Variants in BSPRY observed in about 807,000 individuals in gnomAD.
The protein encoded by BSPRY is B box and SPRY domain-containing protein.
BSPRY carries 33 observed loss-of-function variants against 38.0 expected under a neutral mutation model. The ratio of observed to expected loss-of-function variants is 0.87; its 90% CI spans 0.66 to 1.16. The LOEUF is 1.16. Among genes scored for constraint, BSPRY ranks in the 50% most tolerant of loss-of-function variants. The pLI, the probability that BSPRY is intolerant of heterozygous loss-of-function variation, is 0.00. For synonymous variants in BSPRY, 224 were observed against 228.5 expected, an observed-to-expected ratio of 0.98 and a Z score of 0.18; for missense variants, 523 against 533.2, an observed-to-expected ratio of 0.98 and a Z score of 0.19.
intron 4 of BSPRY, among the ~76,000 whole-genome samples, chr9:113,363,991 C>T (rs1834201098): frequency 6.6e-6 from 1 of 150,726 alleles, no homozygotes; most frequent in South Asian, 2.1e-4. Flanking sequence ...GAGTTCACAA[C>T]CAGCCTGGCC....
In BSPRY at chr9:113,367,480, G is replaced by A. The variant is rs79950904; in HGVS notation, c.558-779G>A. Among the ~76,000 whole-genome samples, 994 of 152,260 alleles carry A rather than the reference G, an allele frequency of 6.5e-3. 68 individuals are homozygous for A. The East Asian group carries it at 0.17, about 26-fold the overall frequency. ...GTGTTTGCATTTTTAAAGTAGAGGA[G>A]TGGCTGTACCTTCTGACAAAACCCA... On this transcript the variant is annotated intron_variant, in intron 4 of 5. Transcript: ENST00000374183.
Position 113,354,332 on chromosome 9 carries a change from A to C in BSPRY, c.294A>C (p.Arg98Ser). Residue 98 changes from arginine (R) to serine (S), a missense_variant, in exon 2 of 6, where the codon AGA (arginine) becomes AGC (serine). Arg to Ser is a moderately radical substitution (Grantham distance 110). Coordinates refer to ENST00000374183, the MANE Select transcript of BSPRY (RefSeq NM_017688.3). ...ACGTCCTGCCGGGGAAGAATCAAAG[A>C]GCAGTGGTAATTCCTCTTCTTTCCT... ...VADVLPGKNQ[R>S]AVSMASAARE... 6 of 1,613,726 alleles carry C rather than the reference A, an allele frequency of 3.7e-6. No homozygotes were observed. Among genetic ancestry groups the C allele is most frequent in the Non-Finnish European group, 4.2e-6 (5 of 1,179,638 alleles).
At position 113,349,599 on chromosome 9, in the gene BSPRY, AGCCGGG is replaced by A; in HGVS notation, c.28_33del (p.Pro10_Gly11del). The A allele has an allele frequency of 8.4e-7, 1 of 1,183,660 alleles. No individual in the cohort carries two copies. The allele number at this position is 1,183,660 out of a possible 1,614,324, so 73.3% of individuals were successfully genotyped here. ...ACGGCCATGTCCGCCGAGGGCGCGG[AGCCGGG>A]GCCGGGGTCCGGGTCCGGGCCCGGG... On this transcript the variant is annotated inframe_deletion, in exon 1 of 6. Coordinates refer to ENST00000374183, the MANE Select transcript of BSPRY (RefSeq NM_017688.3).
rs74626540 is a variant in BSPRY, at chr9:113,367,067, T to C, written c.558-1192T>C. ...TACTTTGCCCTATATTCCTTTGAGA[T>C]TTCACTTCAGGTCAAGGAAAAAATT... On this transcript the variant is annotated intron_variant, in intron 4 of 5. Coordinates refer to ENST00000374183, the MANE Select transcript of BSPRY (RefSeq NM_017688.3). Among the ~76,000 whole-genome samples the C allele has an allele frequency of 7.7e-3, 1,172 of 152,290 alleles. 13 individuals are homozygous for C. Among genetic ancestry groups the C allele is most frequent in the African/African-American group, 0.026 (1,100 of 41,566 alleles).
At chr9:113,367,264 C>T (rs1834267160) in intron 4 of BSPRY, among the ~76,000 whole-genome samples, 1 of 152,120 alleles carries the variant, frequency 6.6e-6, no homozygotes. Flanking sequence ...GAGAAAACAG[C>T]AAACCCAGGC....
Position 113,370,255 on chromosome 9 carries a change from A to T in BSPRY, c.*113A>T. The T allele has an allele frequency of 7.6e-7, 1 of 1,309,574 alleles. No homozygotes were observed. Among genetic ancestry groups the T allele is most frequent in the South Asian group, 1.5e-5 (1 of 66,682 alleles). 81.1% of individuals were successfully genotyped at this position (1,309,574 alleles called of 1,614,324 possible). ...GGTGTTTCTAAGAGAAACAGGGCCC[A>T]TAACCAGTGGGCAGCTTTAGGAGGG... On this transcript the variant is annotated 3_prime_UTR_variant, in exon 6 of 6. Transcript: ENST00000374183. The surrounding 1 kb of genome is among the most constrained non-coding windows in gnomAD (Gnocchi z 4.8).
In BSPRY at chr9:113,362,374, G is replaced by T. The variant is rs1834169913; in HGVS notation, c.537G>T (p.Lys179Asn). 1 of 1,614,036 alleles carries T rather than the reference G, an allele frequency of 6.2e-7. No individual in the cohort carries two copies. The highest frequency in any genetic ancestry group is 1.3e-5 in the African/African-American group (1 of 74,918). ...THLDDLQLIQ[K>N]EQEIFERTEE... ...TTTGTTTTCTTTTCTCACAGCAGAAGGAGCAAGAGATTTTCGAGAGGTGAG... is the reference window on the plus strand; with the variant it reads ...TTTGTTTTCTTTTCTCACAGCAGAATGAGCAAGAGATTTTCGAGAGGTGAG... The change falls in exon 4 of 6, where the codon AAG becomes AAT. Residue 179 changes from lysine to asparagine, a missense_variant. By Grantham distance (94) the Lys-to-Asn change is moderately conservative. Coordinates refer to ENST00000374183, the MANE Select transcript of BSPRY (RefSeq NM_017688.3).
At chr9:113,364,904 C>T (rs1413728772) in intron 4 of BSPRY, among the ~76,000 whole-genome samples, 3 of 150,274 alleles carry the variant, frequency 2.0e-5, no homozygotes, top group Non-Finnish European at 4.4e-5. Flanking sequence ...TTTTGTTTTC[C>T]TAATTCAGCT....
intron 2 of BSPRY, among the ~76,000 whole-genome samples, chr9:113,360,292 C>T (rs922490934): frequency 3.9e-5 from 6 of 152,174 alleles, no homozygotes; most frequent in African/African-American, 1.2e-4. Context: ...GCCTATGTGT[C>T]TGCATCTCAA....
intron 2 of BSPRY, among the ~76,000 whole-genome samples, chr9:113,354,885 A>T (rs1834032491): frequency 1.3e-5 from 2 of 151,726 alleles, no homozygotes; most frequent in East Asian, 1.9e-4. Context: ...TCTTTTTGAG[A>T]TGGGGCCTCA....
At chr9:113,366,265 T>G (rs543128529) in intron 4 of BSPRY, among the ~76,000 whole-genome samples, 104 of 152,370 alleles carry the variant, frequency 6.8e-4, no homozygotes, top group Non-Finnish European at 1.9e-4. Flanking sequence ...GTCCGAGCAT[T>G]GCTAAGCCCA....
chr9:113,354,189 A>G, intron 1 of BSPRY, 51 bp from the exon 2 acceptor site: 2 of 1,477,746 alleles, frequency 1.4e-6, no homozygotes, highest in Non-Finnish European at 1.9e-6. Flanking sequence ...GGATGGAGTG[A>G]ATGGCTCAGG....
In BSPRY at chr9:113,369,833, G is replaced by A. The variant is rs777880341; in HGVS notation, c.900G>A (p.Val300=). The A allele has an allele frequency of 5.0e-6, 8 of 1,614,226 alleles. No individual in the cohort carries two copies. In the Admixed American group the frequency reaches 8.3e-5, roughly 17 times the overall value. The change falls in exon 6 of 6, where the codon GTG becomes GTA. Residue 300 remains valine, a synonymous_variant. Transcript: ENST00000374183. Reference sequence around the variant, plus strand: ...TCCAGAACAGTTGTGCCTATAAGGTGGGCGTGGCTTCAGGCCACCTGCCCC... The same window carrying A: ...TCCAGAACAGTTGTGCCTATAAGGTAGGCGTGGCTTCAGGCCACCTGCCCC... ...VNVQNSCAYK[V]GVASGHLPRK... is the part of the protein sequence containing the mutation.
At chr9:113,354,147 G>A (rs1834017676) in intron 1 of BSPRY, 93 bp from the exon 2 acceptor site, 1 of 966,560 alleles carries the variant, frequency 1.0e-6, no homozygotes, top group Non-Finnish European at 1.6e-6. Context: ...GGGAGTGGGT[G>A]GCTGACATGT....
In BSPRY at chr9:113,351,072, G is replaced by A. The variant is rs1022715904; in HGVS notation, c.201+1292G>A. On this transcript the variant is annotated intron_variant, in intron 1 of 5. Transcript: ENST00000374183. ...AAACTGCTGCTTTGCTTCGGCGGTT[G>A]GAGGGAGGAAGTGATGCTAATGGGG... 2.7e-4 allele frequency among the ~76,000 whole-genome samples: 41 copies of A among 152,290 alleles called. 1 individual carries two copies. Among genetic ancestry groups the A allele is most frequent in the African/African-American group, 8.7e-4 (36 of 41,556 alleles).
Position 113,369,683 on chromosome 9 carries a change from G to T in BSPRY, c.750G>T (p.Lys250Asn). 1 of 1,614,236 alleles carries T rather than the reference G, an allele frequency of 6.2e-7. No individual in the cohort carries two copies. The highest frequency in any genetic ancestry group is 8.5e-7 in the Non-Finnish European group (1 of 1,180,034). The part of the protein sequence containing the change: ...SPFLQLSDDR[K>N]TLTFSTKKSK... ...TCCTGCAATTGTCAGATGATCGAAA[G>T]ACCCTGACCTTCAGCACCAAGAAGT... The change falls in exon 6 of 6, where the codon AAG (lysine) becomes AAT (asparagine). Residue 250 changes from lysine (K) to asparagine (N), a missense_variant. By Grantham distance (94) the Lys-to-Asn change is moderately conservative (BLOSUM62 0). Transcript: ENST00000374183.
At chr9:113,349,853 C>T in intron 1 of BSPRY, 73 bp downstream of exon 1, 2 of 1,198,814 alleles carry the variant, frequency 1.7e-6, no homozygotes, top group Non-Finnish European at 2.1e-6. Context: ...CCGGCAGGGA[C>T]TGGGGAGCCT....
intron 4 of BSPRY, among the ~76,000 whole-genome samples, chr9:113,367,728 A>G (rs999759222): frequency 2.6e-5 from 4 of 152,150 alleles, no homozygotes; most frequent in Admixed American, 6.5e-5. Context: ...ACATCTTCCT[A>G]TAAACTGTCC....
Position 113,354,201 on chromosome 9 carries a change from A to G in BSPRY, c.202-39A>G, listed in dbSNP as rs767965451. ...CTGGGATGGAGTGAATGGCTCAGGT[A>G]CATGGACCAAGATGCCACAAGCGTT... On this transcript the variant is annotated intron_variant, in intron 1 of 5. Coordinates refer to ENST00000374183, the MANE Select transcript of BSPRY (RefSeq NM_017688.3). The G allele has an allele frequency of 7.5e-5, 117 of 1,550,908 alleles. No homozygotes were observed. In the South Asian group the frequency reaches 9.7e-4, roughly 13 times the overall value.
Sources: allele counts gnomAD v4.1 joint callset (sites outside exome capture counted in the v4.1 genomes callset), GRCh38; gene constraint gnomAD v4.1.1; non-coding constraint Gnocchi (gnomAD v3.1); transcripts MANE v1.5; gene names NCBI Gene and HGNC (gene_info 2026-07-23, HGNC 2026-07-21).